CFAP61: variants seen among roughly 807,000 people sequenced by gnomAD.
CFAP61 encodes the protein cilia- and flagella-associated protein 61.
In CFAP61, 107 loss-of-function variants were observed where a neutral mutation model predicts 135.6. That is an observed-to-expected ratio of 0.79 (90% confidence interval 0.67 to 0.93). CFAP61 has a LOEUF of 0.93. Ranked by LOEUF, CFAP61 falls within the 40% of genes least tolerant of loss-of-function variation. The probability of loss-of-function intolerance (pLI) is 0.00; values close to 1 mark genes in which losing one functional copy is unlikely to be tolerated. For missense variants in CFAP61, 1,507 were observed against 1,556.2 expected (o/e 0.97, Z 0.53); for synonymous variants, 575 against 578.5 (o/e 0.99, Z 0.09).
intron 1 of CFAP61, among the ~76,000 whole-genome samples, chr20:20,052,977 G>A (rs552297334): frequency 6.6e-6 from 1 of 152,280 alleles, no homozygotes; most frequent in South Asian, 2.1e-4. Context: ...ATAACAGAAG[G>A]TACTTTGAAG....
chr20:20,138,289 C>T (rs2051098729), intron 8 of CFAP61, among the ~76,000 whole-genome samples: 1 of 152,190 alleles, frequency 6.6e-6, no homozygotes, highest in Admixed American at 6.5e-5. Flanking sequence ...TCGCATGTCC[C>T]CTAAGTCCGG....
intron 25 of CFAP61, among the ~76,000 whole-genome samples, chr20:20,328,684 A>G (rs2057856308): frequency 1.3e-5 from 2 of 152,234 alleles, no homozygotes; most frequent in South Asian, 4.1e-4. Context: ...ATATAACTCA[A>G]TAGAAAAAAT....
chr20:20,314,528 T>G (rs2057003633), intron 25 of CFAP61, among the ~76,000 whole-genome samples: 1 of 144,426 alleles, frequency 6.9e-6, no homozygotes, highest in South Asian at 2.2e-4. Flanking sequence ...TTTATTATTA[T>G]TATTTATTTT....
intron 8 of CFAP61, among the ~76,000 whole-genome samples, chr20:20,120,473 T>C (rs1334775197): frequency 2.6e-5 from 4 of 152,194 alleles, no homozygotes; most frequent in African/African-American, 7.2e-5. Flanking sequence ...TTTTATTCCA[T>C]TGTGGTCAGA....
intron 25 of CFAP61, among the ~76,000 whole-genome samples, chr20:20,316,315 T>C (rs1777588897): frequency 6.6e-6 from 1 of 151,750 alleles, no homozygotes; most frequent in African/African-American, 2.4e-5. Flanking sequence ...TGAATGGGAG[T>C]TCACTCATGA....
chr20:20,197,699 A>G lies in CFAP61; in HGVS notation c.1797+923A>G, dbSNP rs746482229. ...TGTTCCACAGGAAAAGGCCTATTCA[A>G]GATAGATTCCCAAGGGTTTTTTTTC... is the stretch of plus-strand genomic sequence containing the variant. On this transcript the variant is annotated intron_variant, in intron 16 of 26. Coordinates refer to ENST00000245957, the MANE Select transcript of CFAP61 (RefSeq NM_015585.4). 1.5e-4 allele frequency among the ~76,000 whole-genome samples: 22 copies of G among 143,252 alleles called. 1 individual carries two copies. Among genetic ancestry groups the G allele is most frequent in the Admixed American group, 4.3e-4 (6 of 14,092 alleles). 94.0% of individuals were successfully genotyped at this position (143,252 alleles called of 152,430 possible). A position where few individuals can be genotyped will look rare whatever the true frequency, so the allele number is the denominator to read the frequency against.
At chr20:20,242,830 T>G (rs2050114191) in intron 18 of CFAP61, among the ~76,000 whole-genome samples, 1 of 152,196 alleles carries the variant, frequency 6.6e-6, no homozygotes, top group African/African-American at 2.4e-5. Context: ...TGTATCTGAA[T>G]GTAATAAAGC....
At chr20:20,219,900 A>T (rs1437925245) in intron 17 of CFAP61, among the ~76,000 whole-genome samples, 2 of 152,212 alleles carry the variant, frequency 1.3e-5, no homozygotes, top group Non-Finnish European at 2.9e-5. Flanking sequence ...CAACAGAAAC[A>T]TCTTTTGTTA....
At chr20:20,060,072 A>G (rs1398685948) in intron 2 of CFAP61, among the ~76,000 whole-genome samples, 1 of 62,346 alleles carries the variant, frequency 1.6e-5, no homozygotes, top group Non-Finnish European at 2.8e-5. Flanking sequence ...AAAATAACAG[A>G]GGGGGAAAAA....
At chr20:20,191,631 AC>A (rs2055928061) in intron 15 of CFAP61, among the ~76,000 whole-genome samples, 1 of 152,150 alleles carries the variant, frequency 6.6e-6, no homozygotes, top group South Asian at 2.1e-4. Context: ...TATTACAAAG[AC>A]CACATGAAAA....
chr20:20,099,674 T>C (rs1221834767), intron 8 of CFAP61, among the ~76,000 whole-genome samples: 1 of 152,204 alleles, frequency 6.6e-6, no homozygotes, highest in Admixed American at 6.5e-5. Flanking sequence ...TTAGCAATTA[T>C]TTTTTCTTTG....
At chr20:20,240,581 T>A (rs893305254) in intron 18 of CFAP61, among the ~76,000 whole-genome samples, 2 of 152,052 alleles carry the variant, frequency 1.3e-5, no homozygotes, top group African/African-American at 4.8e-5. Context: ...CATCTTTTTT[T>A]TTTTTGCCTG....
intron 15 of CFAP61, among the ~76,000 whole-genome samples, chr20:20,193,550 A>C (rs545480622): frequency 1.3e-5 from 2 of 152,160 alleles, no homozygotes; most frequent in African/African-American, 4.8e-5. Context: ...ATAAGTTTTC[A>C]TTGGTCCTCA....
chr20:20,273,916 G>A (rs2424313), intron 21 of CFAP61, among the ~76,000 whole-genome samples: 14,270 of 152,270 alleles, frequency 0.094, 753 homozygotes, highest in Non-Finnish European at 0.12. Context: ...AGAAGCACTG[G>A]TTCCAGCTCA....
chr20:20,171,291 C>A (rs569654860), intron 13 of CFAP61, among the ~76,000 whole-genome samples: 1 of 152,182 alleles, frequency 6.6e-6, no homozygotes, highest in African/African-American at 2.4e-5. Flanking sequence ...GACAAGAGCA[C>A]GTGGTCTAAG....
At chr20:20,334,323 C>T (rs932216340) in intron 25 of CFAP61, among the ~76,000 whole-genome samples, 2 of 152,108 alleles carry the variant, frequency 1.3e-5, no homozygotes, top group South Asian at 2.1e-4. Flanking sequence ...GACGGGGTTT[C>T]GCCATCTTGG....
chr20:20,107,973 A>C (rs1271960520), intron 8 of CFAP61, among the ~76,000 whole-genome samples: 1 of 152,198 alleles, frequency 6.6e-6, no homozygotes, highest in Admixed American at 6.6e-5. Context: ...AAATATTCTA[A>C]AATAAAGAGA....
intron 22 of CFAP61, among the ~76,000 whole-genome samples, chr20:20,279,831 T>C (rs1239072784): frequency 6.6e-6 from 1 of 152,154 alleles, no homozygotes; most frequent in Admixed American, 6.5e-5. Flanking sequence ...ATTTCCCAGG[T>C]TCCATTATTC....
At chr20:20,145,134 A>G (rs2051767399) in intron 9 of CFAP61, among the ~76,000 whole-genome samples, 2 of 152,176 alleles carry the variant, frequency 1.3e-5, no homozygotes, top group African/African-American at 4.8e-5. Context: ...TAAATATATA[A>G]GATTTTATCC....
Sources: allele counts gnomAD v4.1 joint callset (sites outside exome capture counted in the v4.1 genomes callset), GRCh38; gene constraint gnomAD v4.1.1; transcripts MANE v1.5; gene names NCBI Gene and HGNC (gene_info 2026-07-23, HGNC 2026-07-21).